The following RBFOX3 variants were observed in gnomAD, a reference collection of about 807,000 sequenced individuals.
The protein encoded by RBFOX3 is RNA binding fox-1 homolog 3, also known as RNA binding protein fox-1 homolog 3.
A neutral mutation model predicts 48.7 loss-of-function variants in RBFOX3; 17 were observed. The observed-to-expected ratio is 0.35, with a 90% CI of 0.24 to 0.52. The LOEUF is 0.52. RBFOX3 is among the 20% of genes least tolerant of loss of function. The pLI is 0.94. For synonymous variants in RBFOX3, 212 were observed against 209.5 expected (o/e 1.01, Z -0.10); for missense variants, 382 against 497.5 (o/e 0.77, Z 2.21).
intron 4 of RBFOX3, among the ~76,000 whole-genome samples, chr17:79,186,687 G>A (rs1488207834): frequency 5.5e-5 from 8 of 144,938 alleles, no homozygotes; most frequent in African/African-American, 1.3e-4. Flanking sequence ...TTAAAAAAAA[G>A]AGGCAAGAAA....
intron 3 of RBFOX3, among the ~76,000 whole-genome samples, chr17:79,303,692 T>C (rs1433344397): frequency 2.6e-5 from 4 of 152,084 alleles, no homozygotes; most frequent in Non-Finnish European, 5.9e-5. Context: ...GGGCAGACCA[T>C]CTGATAAATA....
chr17:79,122,139 C>G (rs1005822064), intron 4 of RBFOX3, among the ~76,000 whole-genome samples: 1 of 152,040 alleles, frequency 6.6e-6, no homozygotes, highest in Non-Finnish European at 1.5e-5. Flanking sequence ...AGTCCAGTAG[C>G]AAACCCCACA....
the RBFOX3 span, among the ~76,000 whole-genome samples, chr17:79,624,402 C>G: frequency 6.6e-6 from 1 of 152,096 alleles, no homozygotes; most frequent in African/African-American, 2.4e-5. Flanking sequence ...CCTCACCCTA[C>G]TAAGTTCCAT....
chr17:79,397,560 C>A (rs1427960729), intron 2 of RBFOX3, among the ~76,000 whole-genome samples: 2 of 151,674 alleles, frequency 1.3e-5, no homozygotes, highest in Admixed American at 1.3e-4. Context: ...AGCCTCCTCG[C>A]ATACCTCATT....
At chr17:79,493,570 C>T (rs1449073110) in intron 1 of RBFOX3, among the ~76,000 whole-genome samples, 24 of 152,298 alleles carry the variant, frequency 1.6e-4, no homozygotes, top group Admixed American at 1.3e-3. Context: ...CTTCCCTGAC[C>T]ACCCATGCTA....
At chr17:79,588,399 C>T (rs1263142992) in intron 1 of RBFOX3, among the ~76,000 whole-genome samples, 1 of 152,132 alleles carries the variant, frequency 6.6e-6, no homozygotes, top group Non-Finnish European at 1.5e-5. Flanking sequence ...ATCCTGAGGG[C>T]AGGCTTGGCA....
In RBFOX3 at chr17:79,199,034, T is replaced by C. The variant is rs527489625; in HGVS notation, c.-34+36732A>G. On this transcript the variant is annotated intron_variant, in intron 4 of 14. Coordinates refer to ENST00000693108, the MANE Select transcript of RBFOX3 (RefSeq NM_001350451.2). The surrounding 1 kb of genome is among the most constrained non-coding windows in gnomAD (Gnocchi z 5.1). ...AGGCTGAACATTGCCTGTAACTCAG[T>C]TGTGAGGCTGTTGACTGAGAACTGG... Among the ~76,000 whole-genome samples, 1 of 152,156 alleles carries C rather than the reference T, an allele frequency of 6.6e-6. No individual in the cohort carries two copies. Among genetic ancestry groups the C allele is most frequent in the East Asian group, 1.9e-4 (1 of 5,172 alleles).
intron 3 of RBFOX3, among the ~76,000 whole-genome samples, chr17:79,278,405 C>T (rs1028275319): frequency 1.9e-4 from 29 of 152,222 alleles, no homozygotes; most frequent in African/African-American, 4.8e-4. Context: ...GTGGTTCAGG[C>T]GCCTGCCACA....
In RBFOX3 at chr17:79,218,020, G is replaced by T. The variant is rs919494513; in HGVS notation, c.-34+17746C>A. ...GCCTGGAAGCTGAGTGGGAAGTCGGGGTAGAGGGAGGCAGGACCCACTCTG... is the reference window on the plus strand; with the variant it reads ...GCCTGGAAGCTGAGTGGGAAGTCGGTGTAGAGGGAGGCAGGACCCACTCTG... On this transcript the variant is annotated intron_variant, in intron 4 of 14. Coordinates refer to ENST00000693108, the MANE Select transcript of RBFOX3 (RefSeq NM_001350451.2). Among the ~76,000 whole-genome samples, 56 of 152,252 alleles carry T rather than the reference G, an allele frequency of 3.7e-4. 1 individual carries two copies. The Middle Eastern group carries it at 0.01, about 28-fold the overall frequency.
chr17:79,267,276 T>G (rs1388815105), intron 3 of RBFOX3, among the ~76,000 whole-genome samples: 1 of 152,176 alleles, frequency 6.6e-6, no homozygotes, highest in African/African-American at 2.4e-5. Flanking sequence ...TCGCTGAAAC[T>G]TTAGGGCCTT....
chr17:79,347,898 G>A (rs77003090), intron 2 of RBFOX3, among the ~76,000 whole-genome samples: 1,823 of 152,246 alleles, frequency 0.012, 31 homozygotes, highest in African/African-American at 0.042. Flanking sequence ...TATTTTGCCT[G>A]CCAGCTCATT....
At chr17:79,154,962 G>A (rs951658546) in intron 4 of RBFOX3, among the ~76,000 whole-genome samples, 4 of 152,108 alleles carry the variant, frequency 2.6e-5, no homozygotes, top group Non-Finnish European at 5.9e-5. Flanking sequence ...CCCTCGTCAG[G>A]TGGCGCTGGC....
chr17:79,317,070 A>G (rs1018005686), intron 2 of RBFOX3, among the ~76,000 whole-genome samples: 12 of 152,212 alleles, frequency 7.9e-5, no homozygotes, highest in African/African-American at 2.9e-4. Flanking sequence ...ATGAAGACCG[A>G]CAAGGAGCTG....
intron 4 of RBFOX3, among the ~76,000 whole-genome samples, chr17:79,185,217 C>T (rs1445356051): frequency 6.6e-6 from 1 of 152,190 alleles, no homozygotes; most frequent in Non-Finnish European, 1.5e-5. Context: ...TGTGGTCTGA[C>T]CTGCAATCCT....
At chr17:79,328,813 C>T (rs9894131) in intron 2 of RBFOX3, among the ~76,000 whole-genome samples, 1 of 152,084 alleles carries the variant, frequency 6.6e-6, no homozygotes, top group Non-Finnish European at 1.5e-5. Flanking sequence ...AAATTAAATT[C>T]TTGGCTTGGA....
chr17:79,296,035 TGGG>T (rs2074279142), intron 3 of RBFOX3, among the ~76,000 whole-genome samples: 2 of 140,384 alleles, frequency 1.4e-5, no homozygotes, highest in South Asian at 4.7e-4. Flanking sequence ...GGGCTGGGCT[TGGG>T]GGAGGGGTGT....
At chr17:79,384,372 G>A (rs1781297795) in intron 2 of RBFOX3, among the ~76,000 whole-genome samples, 1 of 152,158 alleles carries the variant, frequency 6.6e-6, no homozygotes, top group South Asian at 2.1e-4. Context: ...CCCTGTCTAT[G>A]CCTAACAGAC....
intron 4 of RBFOX3, among the ~76,000 whole-genome samples, chr17:79,135,470 G>A (rs535740368): frequency 1.3e-5 from 2 of 152,294 alleles, no homozygotes; most frequent in Admixed American, 6.5e-5. Context: ...ATGCTCCCTG[G>A]GAGGCCTGAG....
In RBFOX3 at chr17:79,249,759, G is replaced by A. The variant is rs906779088; in HGVS notation, c.-73-13954C>T. Among the ~76,000 whole-genome samples, 3 of 151,986 alleles carry A rather than the reference G, an allele frequency of 2.0e-5. No individual in the cohort carries two copies. Among genetic ancestry groups the A allele is most frequent in the African/African-American group, 7.3e-5 (3 of 41,360 alleles). On this transcript the variant is annotated intron_variant, in intron 3 of 14. Coordinates refer to ENST00000693108, the MANE Select transcript of RBFOX3 (RefSeq NM_001350451.2). This position sits in a 1 kb window ranked among gnomAD's most constrained non-coding sequence, Gnocchi z 4.1. ...TGAACCCCCATTCCCTCTGCCTCCC[G>A]ACCAAACCTGGTACCTCCCTGTGTG...
Sources: gnomAD v4.1 joint callset for allele counts (sites outside exome capture counted in the v4.1 genomes callset) on GRCh38, gnomAD v4.1.1 for gene constraint, Gnocchi (gnomAD v3.1) non-coding constraint, MANE v1.5 for transcripts, NCBI Gene and HGNC (gene_info 2026-07-23, HGNC 2026-07-21) for gene names.